TENM2: variants seen among roughly 807,000 people sequenced by gnomAD.
The protein encoded by TENM2 is teneurin transmembrane protein 2, also known as teneurin-2.
TENM2 carries 52 observed loss-of-function variants against 245.2 expected under a neutral mutation model. The observed-to-expected ratio is 0.21, with a 90% CI of 0.17 to 0.27. The LOEUF (loss-of-function observed/expected upper bound fraction) is 0.27, where lower values mean the gene tolerates loss of function less well. Ranked by LOEUF, TENM2 falls within the 10% of genes least tolerant of loss-of-function variation. The probability of loss-of-function intolerance (pLI) is 1.00; values close to 1 mark genes in which losing one functional copy is unlikely to be tolerated. For synonymous variants in TENM2, 1,363 were observed against 1,438.9 expected (o/e 0.95, Z 1.19); for missense variants, 3,046 against 3,666.8 (o/e 0.83, Z 4.37).
intron 2 of TENM2, among the ~76,000 whole-genome samples, chr5:167,851,314 G>A (rs147785996): frequency 7.5e-4 from 114 of 152,194 alleles, no homozygotes; most frequent in South Asian, 1.5e-3. Flanking sequence ...CTAGATTAAT[G>A]CTTGTGTGCA....
chr5:167,523,998 G>T (rs1341814762), intron 2 of TENM2, among the ~76,000 whole-genome samples: 3 of 152,106 alleles, frequency 2.0e-5, no homozygotes, highest in Non-Finnish European at 4.4e-5. Flanking sequence ...GGTACCCCAG[G>T]TTACCTAATA....
At chr5:167,294,235 A>C (rs188889302) in intron 1 of TENM2, 3 of 152,220 alleles carry the variant, frequency 2.0e-5, no homozygotes, top group African/African-American at 7.2e-5. Context: ...GTTAGATGGG[A>C]TAGGTAACTG....
In TENM2 at chr5:167,738,239, C is replaced by T. The variant is rs575665897; in HGVS notation, c.503-137747C>T. 1.4e-4 allele frequency among the ~76,000 whole-genome samples: 22 copies of T among 152,222 alleles called. No individual in the cohort carries two copies. The South Asian group carries it at 4.6e-3, about 32-fold the overall frequency. On this transcript the variant is annotated intron_variant, in intron 2 of 28. Transcript: ENST00000518659. Reference sequence around the variant, plus strand: ...TGGAAGTTTCTGGCTGTGTTAAATTCTAATTGTTTATATAATAAGAGCGTA... The same window carrying T: ...TGGAAGTTTCTGGCTGTGTTAAATTTTAATTGTTTATATAATAAGAGCGTA...
At chr5:167,933,587 A>T (rs1212366238) in intron 3 of TENM2, among the ~76,000 whole-genome samples, 2 of 152,212 alleles carry the variant, frequency 1.3e-5, no homozygotes, top group African/African-American at 4.8e-5. Context: ...TAAAATAAAA[A>T]TATCGAGCGT....
rs150874130 is a variant in TENM2, at chr5:167,485,056, C to T, written c.502+109583C>T. Reference sequence around the variant, plus strand: ...GAATTCATAATTTTACTTTAGGCAGCTTAGGTCTCTTAAAATATCTCCCGA... The same window carrying T: ...GAATTCATAATTTTACTTTAGGCAGTTTAGGTCTCTTAAAATATCTCCCGA... On this transcript the variant is annotated intron_variant, in intron 2 of 28. Coordinates refer to ENST00000518659, the Ensembl canonical transcript of TENM2. 9.1e-4 allele frequency among the ~76,000 whole-genome samples: 139 copies of T among 152,308 alleles called. 1 individual carries two copies. Among genetic ancestry groups the T allele is most frequent in the African/African-American group, 3.2e-3 (132 of 41,558 alleles).
At chr5:167,700,282 A>G (rs867819951) in intron 2 of TENM2, among the ~76,000 whole-genome samples, 5 of 152,170 alleles carry the variant, frequency 3.3e-5, no homozygotes, top group Non-Finnish European at 7.3e-5. Flanking sequence ...CATGATATAC[A>G]TTAAGATGAA....
intron 5 of TENM2, among the ~76,000 whole-genome samples, chr5:168,037,088 T>C (rs1787776698): frequency 6.6e-6 from 1 of 152,198 alleles, no homozygotes; most frequent in South Asian, 2.1e-4. Context: ...AAGTTTTAAA[T>C]GTTTCAGGTT....
intron 1 of TENM2, among the ~76,000 whole-genome samples, chr5:167,369,545 G>A (rs1348147127): frequency 6.6e-6 from 1 of 151,548 alleles, no homozygotes; most frequent in African/African-American, 2.4e-5. Context: ...ATTACTTTCT[G>A]CTATCAGCAA....
intron 2 of TENM2, among the ~76,000 whole-genome samples, chr5:167,842,034 C>T (rs1398692381): frequency 2.0e-5 from 3 of 152,180 alleles, no homozygotes; most frequent in Admixed American, 6.5e-5. Flanking sequence ...ACCGTGAATT[C>T]TTTTTGACCA....
chr5:167,039,149 A>T, the TENM2 span, among the ~76,000 whole-genome samples: 1 of 152,192 alleles, frequency 6.6e-6, no homozygotes, highest in African/African-American at 2.4e-5. Context: ...ATTATACACT[A>T]ACCTAAATTA....
At chr5:167,853,752 G>A (rs955891100) in intron 2 of TENM2, among the ~76,000 whole-genome samples, 1 of 152,114 alleles carries the variant, frequency 6.6e-6, no homozygotes, top group Non-Finnish European at 1.5e-5. Context: ...CACTTATTCT[G>A]TGCAGACTGA....
In TENM2 at chr5:167,298,399, T is replaced by C. The variant is rs371132467; in HGVS notation, c.226+13336T>C. Among the ~76,000 whole-genome samples the C allele has an allele frequency of 2.2e-3, 337 of 152,236 alleles. 3 individuals carry two copies. The highest frequency in any genetic ancestry group is 0.01 in the South Asian group (50 of 4,822). Reference sequence around the variant, plus strand: ...GGGGCGGATCACGAGGTCAGGAGATTGAGACCATCCTGGCTAACACGGTGA... The same window carrying C: ...GGGGCGGATCACGAGGTCAGGAGATCGAGACCATCCTGGCTAACACGGTGA... On this transcript the variant is annotated intron_variant, in intron 1 of 28. Coordinates refer to ENST00000518659, the Ensembl canonical transcript of TENM2.
intron 2 of TENM2, among the ~76,000 whole-genome samples, chr5:167,684,902 G>A (rs1423133390): frequency 5.3e-5 from 8 of 152,176 alleles, no homozygotes; most frequent in African/African-American, 9.6e-5. Flanking sequence ...AGCTGAAGCC[G>A]TGAGCCTAAA....
chr5:167,494,806 A>C (rs530242712), intron 2 of TENM2, among the ~76,000 whole-genome samples: 2 of 152,138 alleles, frequency 1.3e-5, no homozygotes, highest in Non-Finnish European at 2.9e-5. Context: ...GCAAGACTTG[A>C]AGTTGGACTG....
At chr5:167,087,226 C>T in the TENM2 span, among the ~76,000 whole-genome samples, 1 of 152,158 alleles carries the variant, frequency 6.6e-6, no homozygotes, top group African/African-American at 2.4e-5. Flanking sequence ...AGTCTTTGTT[C>T]TATTTTGTCC....
chr5:168,000,028 C>T (rs1784316894), intron 5 of TENM2, among the ~76,000 whole-genome samples: 1 of 152,212 alleles, frequency 6.6e-6, no homozygotes, highest in Non-Finnish European at 1.5e-5. Flanking sequence ...TCAAGCCTTG[C>T]CCTAGACTTT....
At chr5:167,430,462 C>T (rs1764148631) in intron 2 of TENM2, among the ~76,000 whole-genome samples, 1 of 152,122 alleles carries the variant, frequency 6.6e-6, no homozygotes, top group South Asian at 2.1e-4. Context: ...TCCTCCTGTC[C>T]CTTAATATCT....
chr5:167,866,531 A>G (rs1772338793), intron 2 of TENM2, among the ~76,000 whole-genome samples: 1 of 151,996 alleles, frequency 6.6e-6, no homozygotes, highest in East Asian at 1.9e-4. Flanking sequence ...TTGCCAACAA[A>G]GAGAGAGCAC....
At chr5:167,949,277 C>T (rs1211809745) in intron 3 of TENM2, among the ~76,000 whole-genome samples, 2 of 152,110 alleles carry the variant, frequency 1.3e-5, no homozygotes, top group African/African-American at 4.8e-5. Flanking sequence ...GGGATACAGA[C>T]TCCATATTTT....
Sources: gnomAD v4.1 joint callset for allele counts (sites outside exome capture counted in the v4.1 genomes callset) on GRCh38, gnomAD v4.1.1 for gene constraint, MANE v1.5 for transcripts, NCBI Gene and HGNC (gene_info 2026-07-23, HGNC 2026-07-21) for gene names.